The following NMNAT2 variants were observed in gnomAD, a reference collection of about 807,000 sequenced individuals.
The protein encoded by NMNAT2 is nicotinamide/nicotinic acid mononucleotide adenylyltransferase 2.
In NMNAT2, 11 loss-of-function variants were observed where a neutral mutation model predicts 41.6. The observed-to-expected ratio is 0.26, with a 90% CI of 0.17 to 0.44. The LOEUF (loss-of-function observed/expected upper bound fraction) is 0.44. Among genes scored for constraint, NMNAT2 ranks in the 20% least tolerant of loss-of-function variants. The probability of loss-of-function intolerance (pLI) is 1.00; values close to 1 mark genes in which losing one functional copy is unlikely to be tolerated. For synonymous variants in NMNAT2, 148 were observed against 151.2 expected, an observed-to-expected ratio of 0.98 and a Z score of 0.16; for missense variants, 288 against 407.7, an observed-to-expected ratio of 0.71 and a Z score of 2.53.
chr1:183,396,435 T>A (rs145057279), intron 1 of NMNAT2, among the ~76,000 whole-genome samples: 43 of 151,810 alleles, frequency 2.8e-4, no homozygotes, highest in Non-Finnish European at 4.3e-4. Flanking sequence ...ACCTCAGGAG[T>A]TGGGCGAGTG....
chr1:183,304,809 T>G, intron 1 of NMNAT2: 1 of 1,608,876 alleles, frequency 6.2e-7, no homozygotes, highest in Non-Finnish European at 8.5e-7. Flanking sequence ...CACAAAGTGG[T>G]GCAGCTGCTC....
intron 8 of NMNAT2, among the ~76,000 whole-genome samples, chr1:183,277,137 G>C (rs568013233): frequency 6.6e-6 from 1 of 152,128 alleles, no homozygotes; most frequent in Non-Finnish European, 1.5e-5. Flanking sequence ...CCCATGGGAC[G>C]TAGGTACTAT....
chr1:183,411,813 A>C (rs897055049), intron 1 of NMNAT2, among the ~76,000 whole-genome samples: 3 of 152,226 alleles, frequency 2.0e-5, no homozygotes, highest in African/African-American at 7.2e-5. Flanking sequence ...AGTAGAGCAG[A>C]ATAACAGGGA....
chr1:183,394,410 C>G (rs1286241183), intron 1 of NMNAT2, among the ~76,000 whole-genome samples: 1 of 152,148 alleles, frequency 6.6e-6, no homozygotes, highest in Non-Finnish European at 1.5e-5. Context: ...GTGAAACAGT[C>G]TGGAAATGAG....
intron 7 of NMNAT2, 190 bp from the exon 8 acceptor site, chr1:183,278,819 A>T (rs900192024): frequency 5.4e-5 from 31 of 571,416 alleles, no homozygotes; most frequent in Non-Finnish European, 9.3e-5. Context: ...CCTCGGGCTC[A>T]TTTCCAGACC....
At position 183,383,986 on chromosome 1, in the gene NMNAT2, C is replaced by T. The variant is rs187777379; in HGVS notation, c.85+34197G>A. Among the ~76,000 whole-genome samples the T allele has an allele frequency of 2.0e-5, 3 of 152,252 alleles. No homozygotes were observed. In the East Asian group the frequency reaches 5.8e-4, roughly 29 times the overall value. On this transcript the variant is annotated intron_variant, in intron 1 of 10. Coordinates refer to ENST00000287713, the MANE Select transcript of NMNAT2 (RefSeq NM_015039.4). ...TGTCCCACTTCTTGGCACAAATTTT[C>T]TGTATTAGTCCATTTTCACATTGTT...
intron 1 of NMNAT2, among the ~76,000 whole-genome samples, chr1:183,313,143 A>G (rs1235171523): frequency 6.7e-6 from 1 of 149,234 alleles, no homozygotes; most frequent in African/African-American, 2.5e-5. Flanking sequence ...ATTTAACCGG[A>G]ACAAATTCAG....
rs1282701954 is a variant in NMNAT2, at chr1:183,396,667, G to T, written c.85+21516C>A. ...AAGGAATGCAAGACCCTGGGAGCATGCCAACATATAAAACCCCAAGTCAAA... is the reference window on the plus strand; with the variant it reads ...AAGGAATGCAAGACCCTGGGAGCATTCCAACATATAAAACCCCAAGTCAAA... On this transcript the variant is annotated intron_variant, in intron 1 of 10. Coordinates refer to ENST00000287713, the MANE Select transcript of NMNAT2 (RefSeq NM_015039.4). Among the ~76,000 whole-genome samples the T allele has an allele frequency of 2.0e-5, 3 of 152,260 alleles. No individual in the cohort carries two copies. In the East Asian group the frequency reaches 5.8e-4, roughly 29 times the overall value.
intron 7 of NMNAT2, among the ~76,000 whole-genome samples, chr1:183,281,856 G>T (rs566313824): frequency 5.3e-5 from 8 of 152,228 alleles, no homozygotes; most frequent in Non-Finnish European, 8.8e-5. Context: ...AAGGGGACAC[G>T]TGAGCCCCAG....
intron 10 of NMNAT2, among the ~76,000 whole-genome samples, chr1:183,258,087 C>T (rs1275211657): frequency 6.6e-6 from 1 of 152,162 alleles, no homozygotes; most frequent in African/African-American, 2.4e-5. Flanking sequence ...TTGGGATTCA[C>T]TGCATCTTTT....
intron 10 of NMNAT2, among the ~76,000 whole-genome samples, chr1:183,259,107 C>G (rs1660594243): frequency 6.6e-6 from 1 of 152,180 alleles, no homozygotes. Flanking sequence ...TAAGTGCCTC[C>G]TCACATAGTT....
chr1:183,380,865 C>T (rs1336618256), intron 1 of NMNAT2, among the ~76,000 whole-genome samples: 1 of 152,146 alleles, frequency 6.6e-6, no homozygotes, highest in Non-Finnish European at 1.5e-5. Flanking sequence ...CAAAGCCAAA[C>T]AATGTCTTCC....
At chr1:183,350,777 A>G (rs572600569) in intron 1 of NMNAT2, among the ~76,000 whole-genome samples, 1 of 152,388 alleles carries the variant, frequency 6.6e-6, no homozygotes, top group South Asian at 2.1e-4. Context: ...TAATCTTCAC[A>G]AACAGCCCTT....
intron 5 of NMNAT2, among the ~76,000 whole-genome samples, chr1:183,285,308 T>TCCCAC (rs1194051265): frequency 2.0e-5 from 3 of 152,232 alleles, no homozygotes; most frequent in Non-Finnish European, 4.4e-5. Context: ...AAGCCTATCC[T>TCCCAC]TAGCTGCTCC....
At chr1:183,369,394 A>C (rs1663483723) in intron 1 of NMNAT2, among the ~76,000 whole-genome samples, 1 of 151,726 alleles carries the variant, frequency 6.6e-6, no homozygotes, top group East Asian at 1.9e-4. Context: ...CTCCTGCCTC[A>C]GCCTCCCAAG....
At chr1:183,283,669 T>C (rs1371539326) in intron 7 of NMNAT2, 2 of 384,694 alleles carry the variant, frequency 5.2e-6, no homozygotes, top group South Asian at 2.2e-5. Context: ...TTGTGTGCAG[T>C]GTCTGTGCCC....
chr1:183,294,167 A>AAAAT (rs150452762), intron 1 of NMNAT2, among the ~76,000 whole-genome samples: 16,005 of 152,142 alleles, frequency 0.11, 929 homozygotes, highest in Middle Eastern at 0.14. Context: ...TAGTATTTAA[A>AAAAT]AAATAAATAA....
intron 1 of NMNAT2, among the ~76,000 whole-genome samples, chr1:183,378,256 T>G (rs1663721128): frequency 6.6e-6 from 1 of 151,950 alleles, no homozygotes; most frequent in Non-Finnish European, 1.5e-5. Flanking sequence ...GAGCTGGATG[T>G]GGTGGTGGGA....
At chr1:183,316,570 G>A (rs1662254586) in intron 1 of NMNAT2, among the ~76,000 whole-genome samples, 1 of 152,142 alleles carries the variant, frequency 6.6e-6, no homozygotes, top group Admixed American at 6.5e-5. Context: ...GGGCTCGCCA[G>A]CCCCCCACCA....
Sources: allele counts gnomAD v4.1 joint callset (sites outside exome capture counted in the v4.1 genomes callset), GRCh38; gene constraint gnomAD v4.1.1; transcripts MANE v1.5; gene names NCBI Gene and HGNC (gene_info 2026-07-23, HGNC 2026-07-21).